Variants in INPP4B observed in about 807,000 individuals in gnomAD.
INPP4B encodes inositol polyphosphate 4-phosphatase type II.
INPP4B carries 55 observed loss-of-function variants against 122.5 expected under a neutral mutation model. That is an observed-to-expected ratio of 0.45 (90% CI 0.36 to 0.56). The LOEUF (loss-of-function observed/expected upper bound fraction) is 0.56. INPP4B is among the 20% of genes least tolerant of loss of function. The pLI is 0.00. For missense variants in INPP4B, 1,000 were observed against 1,097.7 expected (o/e 0.91, Z 1.26); for synonymous variants, 403 against 388.7 (o/e 1.04, Z -0.43).
chr4:142,521,519 A>G (rs1171498991), intron 2 of INPP4B, among the ~76,000 whole-genome samples: 3 of 152,040 alleles, frequency 2.0e-5, no homozygotes, highest in Non-Finnish European at 4.4e-5. Context: ...TACTGGCCAC[A>G]TTAATCTAAC....
At chr4:142,136,223 G>A (rs1804148218) in intron 18 of INPP4B, among the ~76,000 whole-genome samples, 1 of 152,178 alleles carries the variant, frequency 6.6e-6, no homozygotes, top group East Asian at 1.9e-4. Flanking sequence ...TTGGTAGGTG[G>A]GGGTGGGAAG....
chr4:142,705,478 C>T (rs112567387), intron 2 of INPP4B, among the ~76,000 whole-genome samples: 9,122 of 145,774 alleles, frequency 0.063, 938 homozygotes, highest in African/African-American at 0.23. Flanking sequence ...CACACACACA[C>T]ACACACACAC....
At chr4:142,803,670 A>G (rs574871520) in intron 1 of INPP4B, among the ~76,000 whole-genome samples, 3 of 150,224 alleles carry the variant, frequency 2.0e-5, no homozygotes, top group Middle Eastern at 3.4e-3. Context: ...AACAAAAACA[A>G]AGAAAAGAAA....
rs768248742 is a variant in INPP4B at position 142,042,536 on chromosome 4, A to G, written c.2643-13622T>C. ...TGTGTGTGTATGTATGTATGTATGT[A>G]TGTATGTATGTATGTATGTATGTAT... On this transcript the variant is annotated intron_variant, in intron 25 of 25. Coordinates refer to ENST00000262992, the MANE Select transcript of INPP4B (RefSeq NM_001101669.3). Among the ~76,000 whole-genome samples, 217 of 23,224 alleles carry G rather than the reference A, an allele frequency of 9.3e-3. 2 individuals carry two copies. The highest frequency in any genetic ancestry group is 0.076 in the South Asian group (42 of 554). The allele number at this position is 23,224 out of a possible 152,430, so 15.2% of individuals were successfully genotyped here.
At chr4:142,281,691 C>G (rs1366059402) in intron 9 of INPP4B, among the ~76,000 whole-genome samples, 1 of 151,686 alleles carries the variant, frequency 6.6e-6, no homozygotes, top group African/African-American at 2.4e-5. Context: ...ACCTGTGCAC[C>G]CAGAAATTCA....
intron 25 of INPP4B, among the ~76,000 whole-genome samples, chr4:142,043,451 G>GAAGT (rs1278796757): frequency 1.3e-5 from 2 of 152,092 alleles, no homozygotes; most frequent in Non-Finnish European, 2.9e-5. Flanking sequence ...AAATACCAGG[G>GAAGT]AAGTTTTCTT....
At chr4:142,582,114 T>TA (rs922060608) in intron 2 of INPP4B, among the ~76,000 whole-genome samples, 1 of 151,964 alleles carries the variant, frequency 6.6e-6, no homozygotes, top group African/African-American at 2.4e-5. Flanking sequence ...AATTTGTTCT[T>TA]ACTGTAAAAA....
chr4:142,085,153 G>A (rs1463026994), intron 24 of INPP4B, among the ~76,000 whole-genome samples: 3 of 152,198 alleles, frequency 2.0e-5, no homozygotes, highest in Non-Finnish European at 4.4e-5. Context: ...AACTAAAGAA[G>A]CTTTCCTCTG....
chr4:142,385,080 T>C (rs1795508286), intron 7 of INPP4B, among the ~76,000 whole-genome samples: 1 of 152,174 alleles, frequency 6.6e-6, no homozygotes. Flanking sequence ...CATGCATGCA[T>C]GCATCCTTAT....
chr4:142,522,442 TC>T (rs1580275739), intron 2 of INPP4B, among the ~76,000 whole-genome samples: 1 of 149,700 alleles, frequency 6.7e-6, no homozygotes, highest in Non-Finnish European at 1.5e-5. Flanking sequence ...TGAATTGGCC[TC>T]AAGACATCCT....
intron 1 of INPP4B, among the ~76,000 whole-genome samples, chr4:142,830,517 G>A (rs1781987933): frequency 6.6e-6 from 1 of 152,120 alleles, no homozygotes; most frequent in Non-Finnish European, 1.5e-5. Flanking sequence ...ATGGAGTGGA[G>A]AGGGAGTCTT....
chr4:142,309,574 C>A (rs116252258), intron 8 of INPP4B, among the ~76,000 whole-genome samples: 198 of 152,260 alleles, frequency 1.3e-3, no homozygotes, highest in African/African-American at 4.5e-3. Context: ...AGTTAATCTG[C>A]AGAAGGCAAG....
intron 2 of INPP4B, among the ~76,000 whole-genome samples, chr4:142,614,116 A>G (rs899657800): frequency 3.9e-5 from 6 of 152,130 alleles, no homozygotes; most frequent in Non-Finnish European, 5.9e-5. Flanking sequence ...AAGAACCCAC[A>G]GGAGGCTGAG....
At chr4:142,442,503 T>A (rs1445184144) in intron 3 of INPP4B, among the ~76,000 whole-genome samples, 1 of 150,798 alleles carries the variant, frequency 6.6e-6, no homozygotes, top group Admixed American at 6.6e-5. Context: ...GGGCAAAAGA[T>A]GTCATAAAAA....
intron 2 of INPP4B, among the ~76,000 whole-genome samples, chr4:142,605,243 T>C (rs1234581030): frequency 6.6e-6 from 1 of 151,988 alleles, no homozygotes; most frequent in East Asian, 1.9e-4. Context: ...TCTCTCACCA[T>C]ATACAAAAGT....
intron 12 of INPP4B, among the ~76,000 whole-genome samples, chr4:142,227,856 T>TAAAAAAAAAAAAAAA (rs60375355): frequency 2.9e-5 from 1 of 34,236 alleles, no homozygotes; most frequent in Non-Finnish European, 5.6e-5. Context: ...AGACTCTATC[T>TAAAAAAAAAAAAAAA]AAAAAAAAAA....
rs145308199 is a variant in INPP4B, at chr4:142,182,097, GGAA to G, written c.1182-8291_1182-8289del. The stretch of plus-strand genomic sequence containing the variant: ...TGACTGCTTGAGGGTAAATGAGTAT[GGAA>G]GAAGAACTTGAGACTAAGGACAGAA... On this transcript the variant is annotated intron_variant, in intron 15 of 25. Transcript: ENST00000262992. Among the ~76,000 whole-genome samples the G allele has an allele frequency of 6.4e-3, 972 of 152,256 alleles. 2 individuals are homozygous for G. Among genetic ancestry groups the G allele is most frequent in the Non-Finnish European group, 0.011 (725 of 68,004 alleles).
intron 11 of INPP4B, among the ~76,000 whole-genome samples, chr4:142,241,277 G>A (rs1208246361): frequency 1.3e-5 from 2 of 151,460 alleles, no homozygotes; most frequent in Admixed American, 1.3e-4. Context: ...AATATCATGC[G>A]ACCGATTATA....
intron 15 of INPP4B, among the ~76,000 whole-genome samples, chr4:142,184,998 A>G (rs898808232): frequency 6.6e-6 from 1 of 152,322 alleles, no homozygotes; most frequent in Middle Eastern, 3.4e-3. Flanking sequence ...AACCAAGATA[A>G]GGATAACTGA....
Sources: gnomAD v4.1 joint callset for allele counts (sites outside exome capture counted in the v4.1 genomes callset) on GRCh38, gnomAD v4.1.1 for gene constraint, MANE v1.5 for transcripts, NCBI Gene and HGNC (gene_info 2026-07-23, HGNC 2026-07-21) for gene names.